The following VPS37A variants were observed in gnomAD, a reference collection of about 807,000 sequenced individuals.
VPS37A encodes the protein vacuolar protein sorting-associated protein 37A.
Under a neutral mutation model 49.8 loss-of-function variants are expected in VPS37A, and 30 were observed. That is an observed-to-expected ratio of 0.60 (90% CI 0.45 to 0.82). The LOEUF (loss-of-function observed/expected upper bound fraction) is 0.82, where lower values mean the gene tolerates loss of function less well. Among genes scored for constraint, VPS37A ranks in the 40% least tolerant of loss-of-function variants. VPS37A has a pLI of 0.00. For missense variants in VPS37A, 593 were observed against 464.4 expected (o/e 1.28, Z -2.55); for synonymous variants, 195 against 160.6 (o/e 1.21, Z -1.62).
At chr8:17,260,787 ATGT>A (rs964126622) in intron 1 of VPS37A, among the ~76,000 whole-genome samples, 10 of 152,122 alleles carry the variant, frequency 6.6e-5, no homozygotes. Flanking sequence ...CATTTGGAAA[ATGT>A]TGTTCCACTC....
the VPS37A span, among the ~76,000 whole-genome samples, chr8:17,321,758 G>A: frequency 6.6e-6 from 1 of 152,190 alleles, no homozygotes; most frequent in East Asian, 1.9e-4. Context: ...ACAAATTGCA[G>A]AGAATGGGGC....
intron 4 of VPS37A, among the ~76,000 whole-genome samples, chr8:17,273,113 C>G (rs1814166833): frequency 1.4e-5 from 2 of 142,842 alleles, no homozygotes. Flanking sequence ...AAGGCACTTC[C>G]TCATTATTCC....
chr8:17,249,406 C>T (rs1377872951), intron 1 of VPS37A, among the ~76,000 whole-genome samples: 1 of 152,152 alleles, frequency 6.6e-6, no homozygotes, highest in Non-Finnish European at 1.5e-5. Context: ...GACATGATTA[C>T]ATTAGATAAT....
intron 1 of VPS37A, among the ~76,000 whole-genome samples, chr8:17,256,194 C>G (rs997448621): frequency 1.1e-4 from 16 of 151,812 alleles, no homozygotes; most frequent in African/African-American, 3.9e-4. Context: ...TACATTCCCA[C>G]CAGCAGTATA....
chr8:17,265,727 G>C (rs376087526), intron 1 of VPS37A, 180 bp from the exon 2 acceptor site: 4 of 1,494,832 alleles, frequency 2.7e-6, no homozygotes, highest in Non-Finnish European at 3.6e-6. Flanking sequence ...TGTGTGCTTA[G>C]ATGATGAGCC....
At chr8:17,292,710 C>A (rs1245816189) in intron 11 of VPS37A, among the ~76,000 whole-genome samples, 2 of 152,146 alleles carry the variant, frequency 1.3e-5, no homozygotes. Flanking sequence ...ATTTCTCCTC[C>A]ACTTATGAAG....
intron 11 of VPS37A, among the ~76,000 whole-genome samples, chr8:17,294,029 A>G (rs1816383735): frequency 6.6e-6 from 1 of 152,110 alleles, no homozygotes. Flanking sequence ...AGGAACGTTT[A>G]AGTGTGTGCA....
intron 1 of VPS37A, among the ~76,000 whole-genome samples, chr8:17,248,733 A>G (rs1811696849): frequency 6.6e-6 from 1 of 152,236 alleles, no homozygotes; most frequent in African/African-American, 2.4e-5. Flanking sequence ...ATAAGGCCTG[A>G]TGCTGACTGA....
chr8:17,258,041 T>C (rs75809533), intron 1 of VPS37A, among the ~76,000 whole-genome samples: 7,864 of 152,186 alleles, frequency 0.052, 274 homozygotes, highest in African/African-American at 0.096. Flanking sequence ...TGTTTGTCTG[T>C]TTTTTTGGTG....
At chr8:17,282,420 G>C (rs1400731733) in intron 9 of VPS37A, among the ~76,000 whole-genome samples, 5 of 152,016 alleles carry the variant, frequency 3.3e-5, no homozygotes, top group Admixed American at 1.3e-4. Flanking sequence ...TTTTCTTTAA[G>C]ATTATGGTGG....
downstream of VPS37A, chr8:17,299,736 A>G: frequency 1.5e-6 from 2 of 1,362,594 alleles, no homozygotes; most frequent in Non-Finnish European, 2.0e-6. Context: ...TTCCCTTTTC[A>G]TAGCTGCATT....
chr8:17,299,789 TA>T, downstream of VPS37A: 1 of 1,561,818 alleles, frequency 6.4e-7, no homozygotes, highest in Non-Finnish European at 8.7e-7. Context: ...GTTTTTACAA[TA>T]AACCACCTTG....
chr8:17,323,561 A>G, the VPS37A span, among the ~76,000 whole-genome samples: 12 of 152,102 alleles, frequency 7.9e-5, no homozygotes, highest in African/African-American at 2.9e-4. Flanking sequence ...GGCACTAGAG[A>G]GGAGGCCAGG....
At chr8:17,315,172 A>C in the VPS37A span, among the ~76,000 whole-genome samples, 3 of 152,234 alleles carry the variant, frequency 2.0e-5, no homozygotes, top group Non-Finnish European at 4.4e-5. Context: ...ATAAAAGGAG[A>C]TGAGCTATGA....
At chr8:17,286,144 A>G (rs533675818) in intron 10 of VPS37A, among the ~76,000 whole-genome samples, 2 of 152,272 alleles carry the variant, frequency 1.3e-5, no homozygotes, top group East Asian at 3.9e-4. Context: ...TCAAAGTATT[A>G]TCTGCTCCTT....
At chr8:17,254,911 A>G (rs560765479) in intron 1 of VPS37A, among the ~76,000 whole-genome samples, 14 of 152,154 alleles carry the variant, frequency 9.2e-5, no homozygotes, top group Non-Finnish European at 4.4e-5. Context: ...TTCTCCATCT[A>G]TTCTAAGCAC....
downstream of VPS37A, chr8:17,302,369 C>G: frequency 7.3e-7 from 1 of 1,371,566 alleles, no homozygotes; most frequent in South Asian, 1.5e-5. Flanking sequence ...TATGATACCA[C>G]AGTCTTAATA....
chr8:17,266,013 A>G (rs370416546), intron 2 of VPS37A, 32 bp downstream of exon 2: 4 of 1,569,642 alleles, frequency 2.5e-6, no homozygotes. Context: ...TTTTTCATGT[A>G]AAAGGACTTA....
chr8:17,272,709 T>C (rs1814107243), intron 4 of VPS37A, among the ~76,000 whole-genome samples: 2 of 152,174 alleles, frequency 1.3e-5, no homozygotes, highest in Non-Finnish European at 2.9e-5. Context: ...TATCACTAAT[T>C]CCTTCAGATA....
Sources: allele counts gnomAD v4.1 joint callset (sites outside exome capture counted in the v4.1 genomes callset), GRCh38; gene constraint gnomAD v4.1.1; transcripts MANE v1.5; gene names NCBI Gene and HGNC (gene_info 2026-07-23, HGNC 2026-07-21).